The following EYS variants were observed in gnomAD, a reference collection of about 807,000 sequenced individuals.
EYS encodes protein eyes shut homolog.
A neutral mutation model predicts 282.1 loss-of-function variants in EYS; 250 were observed. The observed-to-expected ratio is 0.89, with a 90% CI of 0.80 to 0.98. EYS has a LOEUF of 0.98. Ranked by LOEUF, EYS falls within the 50% of genes least tolerant of loss-of-function variation. The pLI is 0.00. For missense variants in EYS, 4,016 were observed against 3,709.0 expected, an observed-to-expected ratio of 1.08 and a Z score of -2.15; for synonymous variants, 1,355 against 1,282.9, an observed-to-expected ratio of 1.06 and a Z score of -1.20.
At chr6:65,373,705 A>G (rs1765249574) in intron 8 of EYS, among the ~76,000 whole-genome samples, 1 of 152,196 alleles carries the variant, frequency 6.6e-6, no homozygotes, top group South Asian at 2.1e-4. Flanking sequence ...TTCATCTTTT[A>G]TTATATGGAT....
intron 18 of EYS, among the ~76,000 whole-genome samples, chr6:64,897,215 C>T (rs1299274889): frequency 6.6e-6 from 1 of 152,094 alleles, no homozygotes; most frequent in African/African-American, 2.4e-5. Flanking sequence ...TCTGGTTGGC[C>T]TCTGGCAGGT....
At chr6:64,904,117 TAAC>T (rs781686394) in intron 16 of EYS, among the ~76,000 whole-genome samples, 6 of 152,096 alleles carry the variant, frequency 3.9e-5, no homozygotes, top group African/African-American at 4.8e-5. Context: ...ATTTAAAACA[TAAC>T]AACAATGATA....
chr6:63,823,694 A>T (rs1771383344), intron 36 of EYS, among the ~76,000 whole-genome samples: 1 of 152,054 alleles, frequency 6.6e-6, no homozygotes, highest in South Asian at 2.1e-4. Flanking sequence ...CACTTTCATC[A>T]ATAATTGCCT....
intron 12 of EYS, among the ~76,000 whole-genome samples, chr6:65,102,772 A>G (rs2150184161): frequency 6.6e-6 from 1 of 151,430 alleles, no homozygotes; most frequent in Middle Eastern, 3.4e-3. Flanking sequence ...TCCTTTAATA[A>G]GATTATGAAA....
chr6:65,334,466 C>T (rs1769907374), intron 11 of EYS, among the ~76,000 whole-genome samples: 1 of 151,670 alleles, frequency 6.6e-6, no homozygotes, highest in Non-Finnish European at 1.5e-5. Flanking sequence ...GACAAATTAT[C>T]ACTATGTTGC....
At chr6:64,955,569 A>G (rs1769672534) in intron 14 of EYS, among the ~76,000 whole-genome samples, 1 of 152,170 alleles carries the variant, frequency 6.6e-6, no homozygotes, top group African/African-American at 2.4e-5. Context: ...GAAGGGATTT[A>G]TTGTGCAAGC....
intron 5 of EYS, among the ~76,000 whole-genome samples, chr6:65,454,501 T>G (rs1329425605): frequency 1.3e-5 from 2 of 152,040 alleles, no homozygotes; most frequent in Non-Finnish European, 1.5e-5. Context: ...AAATGCATGT[T>G]AGTTTGATGT....
At position 65,494,897 on chromosome 6, in the gene EYS, G is replaced by T; in HGVS notation, c.514C>A (p.Gln172Lys). 6.2e-7 allele frequency: 1 copy of T among 1,614,062 alleles called. No individual in the cohort carries two copies. The highest frequency in any genetic ancestry group is 8.5e-7 in the Non-Finnish European group (1 of 1,179,938). The change falls in exon 4 of 43, where the codon CAG (glutamine) becomes AAG (lysine). Residue 172 changes from glutamine to lysine, a missense_variant. Physicochemically the swap from Gln to Lys is moderately conservative, Grantham distance 53 (BLOSUM62 1). Coordinates refer to ENST00000503581, the MANE Select transcript of EYS (RefSeq NM_001142800.2). ...GAACTCAGAGATTCCTGGCAGAACTGCTGTTTCACTGTCACATTTAGTCGA... is the reference window on the plus strand; with the variant it reads ...GAACTCAGAGATTCCTGGCAGAACTTCTGTTTCACTGTCACATTTAGTCGA... ...GLRLNVTVKQQFCQESLSSEF... is the reference protein window; with the variant it reads ...GLRLNVTVKQKFCQESLSSEF...
chr6:64,971,670 TGTCAAA>T (rs1392150828), intron 14 of EYS, among the ~76,000 whole-genome samples: 1 of 152,100 alleles, frequency 6.6e-6, no homozygotes, highest in Admixed American at 6.6e-5. Context: ...ACAGTGAAGG[TGTCAAA>T]GTGCTCTATT....
intron 40 of EYS, among the ~76,000 whole-genome samples, chr6:63,764,788 C>G (rs1257727014): frequency 6.6e-6 from 1 of 151,814 alleles, no homozygotes; most frequent in Admixed American, 6.6e-5. Context: ...TATAGTTTGT[C>G]TCAGAATTTT....
Position 64,274,792 on chromosome 6 carries a change from C to G in EYS, c.6191+32178G>C, listed in dbSNP as rs965139756. On this transcript the variant is annotated intron_variant, in intron 30 of 42. Transcript: ENST00000503581. ...GACTCATTGAGAATGACAGCCTGAT[C>G]ATGTTCATTGTTGTATCCATGGAGC... Among the ~76,000 whole-genome samples, 2 of 152,140 alleles carry G rather than the reference C, an allele frequency of 1.3e-5. 1 individual carries two copies. The highest frequency in any genetic ancestry group is 4.1e-4 in the South Asian group (2 of 4,824).
At chr6:65,508,467 A>G (rs988484799) in intron 2 of EYS, among the ~76,000 whole-genome samples, 1 of 151,766 alleles carries the variant, frequency 6.6e-6, no homozygotes, top group African/African-American at 2.4e-5. Flanking sequence ...AGGTCAGGAG[A>G]TCGAGACCAT....
intron 31 of EYS, among the ~76,000 whole-genome samples, chr6:64,093,240 C>G (rs1160654141): frequency 6.6e-6 from 1 of 151,900 alleles, no homozygotes; most frequent in Non-Finnish European, 1.5e-5. Context: ...AATGTGGGCT[C>G]TTTTTTGGTT....
intron 10 of EYS, among the ~76,000 whole-genome samples, chr6:65,341,160 C>T (rs1243797196): frequency 4.6e-5 from 7 of 151,042 alleles, no homozygotes; most frequent in Admixed American, 1.3e-4. Flanking sequence ...TCTAAATAAG[C>T]GATGAGTTCA....
At chr6:65,610,152 T>C (rs1242886545) in intron 2 of EYS, among the ~76,000 whole-genome samples, 1 of 152,022 alleles carries the variant, frequency 6.6e-6, no homozygotes, top group South Asian at 2.1e-4. Context: ...AGTGAACCTT[T>C]CCCCTTAGAC....
intron 19 of EYS, among the ~76,000 whole-genome samples, chr6:64,852,850 C>A (rs1765928421): frequency 6.6e-6 from 1 of 152,076 alleles, no homozygotes; most frequent in African/African-American, 2.4e-5. Flanking sequence ...TCAGAGGGAG[C>A]ATGGTCCTTC....
intron 35 of EYS, among the ~76,000 whole-genome samples, chr6:63,973,521 C>T (rs926930716): frequency 6.6e-6 from 1 of 151,966 alleles, no homozygotes; most frequent in African/African-American, 2.4e-5. Flanking sequence ...TTATTAGTGC[C>T]GATTTGAACC....
intron 12 of EYS, among the ~76,000 whole-genome samples, chr6:65,111,757 G>T (rs1206719015): frequency 1.3e-5 from 2 of 152,278 alleles, no homozygotes; most frequent in Admixed American, 1.3e-4. Context: ...TGAAGCAAGA[G>T]AATCATTTGA....
intron 22 of EYS, among the ~76,000 whole-genome samples, chr6:64,763,500 C>T (rs1273906981): frequency 1.3e-5 from 2 of 152,114 alleles, no homozygotes; most frequent in East Asian, 1.9e-4. Flanking sequence ...ATCCAATCAC[C>T]TCCCACCAAG....
Sources: gnomAD v4.1 joint callset for allele counts (sites outside exome capture counted in the v4.1 genomes callset) on GRCh38, gnomAD v4.1.1 for gene constraint, MANE v1.5 for transcripts, NCBI Gene and HGNC (gene_info 2026-07-23, HGNC 2026-07-21) for gene names.